Variants in BICD1 observed in about 807,000 individuals in gnomAD.
BICD1 encodes BICD cargo adaptor 1.
In BICD1, 35 loss-of-function variants were observed where a neutral mutation model predicts 92.5. The observed-to-expected ratio is 0.38, with a 90% confidence interval of 0.29 to 0.50. The LOEUF (loss-of-function observed/expected upper bound fraction) is 0.50. BICD1 is among the 20% of genes least tolerant of loss of function. BICD1 has a pLI of 0.93. For missense variants in BICD1, 950 were observed against 1,189.8 expected, an observed-to-expected ratio of 0.80 and a Z score of 2.97; for synonymous variants, 429 against 465.1, an observed-to-expected ratio of 0.92 and a Z score of 1.00.
At position 32,114,026 on chromosome 12, in the gene BICD1, C is replaced by A. The variant is rs139357423; in HGVS notation, c.213+6482C>A. 3.9e-5 allele frequency among the ~76,000 whole-genome samples: 6 copies of A among 152,030 alleles called. No individual in the cohort carries two copies. In the East Asian group the frequency reaches 1.2e-3, roughly 29 times the overall value. Reference sequence around the variant, plus strand: ...ATGGGATTATAGGCGCGCGCCACCACGCCTGGCTAGTTTTTGTATTTTTTT... The same window carrying A: ...ATGGGATTATAGGCGCGCGCCACCAAGCCTGGCTAGTTTTTGTATTTTTTT... On this transcript the variant is annotated intron_variant, in intron 1 of 9. Coordinates refer to ENST00000652176, the MANE Select transcript of BICD1 (RefSeq NM_001714.4).
chr12:32,213,557 G>A (rs1945276831), intron 1 of BICD1, among the ~76,000 whole-genome samples: 1 of 152,054 alleles, frequency 6.6e-6, no homozygotes, highest in African/African-American at 2.4e-5. Context: ...CACCACGCCT[G>A]GCTAATTTTT....
chr12:32,196,105 A>G (rs1179500417), intron 1 of BICD1, among the ~76,000 whole-genome samples: 2 of 152,216 alleles, frequency 1.3e-5, no homozygotes, highest in African/African-American at 4.8e-5. Flanking sequence ...ATCACCTTGC[A>G]CCTGTTATAA....
chr12:32,259,928 T>A (rs56769515), intron 2 of BICD1, among the ~76,000 whole-genome samples: 13 of 126,180 alleles, frequency 1.0e-4, no homozygotes, highest in East Asian at 7.9e-4. Context: ...TACACACTTT[T>A]TTTTTTTTTT....
At chr12:32,130,100 T>TG (rs1469032931) in intron 1 of BICD1, among the ~76,000 whole-genome samples, 2 of 152,082 alleles carry the variant, frequency 1.3e-5, no homozygotes, top group African/African-American at 2.4e-5. Flanking sequence ...AATCAGTAAA[T>TG]GGGAAGAGAT....
In BICD1 at chr12:32,225,314, T is replaced by C. The variant is rs554838087; in HGVS notation, c.426+8855T>C. On this transcript the variant is annotated intron_variant, in intron 2 of 9. Coordinates refer to ENST00000652176, the MANE Select transcript of BICD1 (RefSeq NM_001714.4). ...TTTGTTCCTTTTTATTGCTGAGTAT[T>C]ATTCCACTGTATAGATACATTGTGG... Among the ~76,000 whole-genome samples the C allele has an allele frequency of 5.8e-4, 89 of 152,342 alleles. 1 individual carries two copies. The highest frequency in any genetic ancestry group is 2.1e-3 in the African/African-American group (88 of 41,576).
chr12:32,115,358 G>C (rs1269404410), intron 1 of BICD1, among the ~76,000 whole-genome samples: 1 of 149,474 alleles, frequency 6.7e-6, no homozygotes, highest in East Asian at 1.9e-4. Flanking sequence ...AAACATATAG[G>C]CAGGGTTTTT....
At chr12:32,166,467 G>T (rs1378005505) in intron 1 of BICD1, among the ~76,000 whole-genome samples, 1 of 152,046 alleles carries the variant, frequency 6.6e-6, no homozygotes, top group Non-Finnish European at 1.5e-5. Context: ...TCACAACTGG[G>T]GGGATGCTTC....
intron 1 of BICD1, among the ~76,000 whole-genome samples, chr12:32,203,375 C>T (rs1316805105): frequency 1.3e-5 from 2 of 152,112 alleles, no homozygotes; most frequent in Non-Finnish European, 2.9e-5. Context: ...CAAAAGACAT[C>T]GCTAAAAGAG....
chr12:32,109,620 T>G (rs967124630), intron 1 of BICD1: 1 of 151,872 alleles, frequency 6.6e-6, no homozygotes, highest in South Asian at 2.1e-4. Context: ...TGTTCATATA[T>G]TTATTTTCAG....
At chr12:32,152,050 G>A (rs1457104801) in intron 1 of BICD1, among the ~76,000 whole-genome samples, 5 of 151,774 alleles carry the variant, frequency 3.3e-5, no homozygotes, top group Non-Finnish European at 7.4e-5. Flanking sequence ...TCTGCCTCCC[G>A]GGTTCACGTG....
intron 1 of BICD1, among the ~76,000 whole-genome samples, chr12:32,179,482 A>T (rs1427430110): frequency 6.6e-6 from 1 of 151,974 alleles, no homozygotes; most frequent in South Asian, 2.1e-4. Context: ...AAATACTTTG[A>T]GTTAAATTGT....
intron 2 of BICD1, among the ~76,000 whole-genome samples, chr12:32,237,362 T>G (rs1946104128): frequency 6.6e-6 from 1 of 152,206 alleles, no homozygotes; most frequent in Non-Finnish European, 1.5e-5. Flanking sequence ...GAAGCTGCAG[T>G]AAGTTATCCA....
chr12:32,294,034 A>T lies in BICD1; in HGVS notation c.467A>T (p.Asp156Val). ...GAGCTACAGAGAATACGGATGAAGG[A>T]TGAAATCCGAGAATATAAGTTCCGG... ...MVELQRIRMK[D>V]EIREYKFREA... The change falls in exon 3 of 10, where the codon GAT (aspartate) becomes GTT (valine). Residue 156 changes from aspartate (D) to valine (V), a missense_variant. Transcript: ENST00000652176. 6.2e-7 allele frequency: 1 copy of T among 1,613,332 alleles called. No homozygotes were observed. Among genetic ancestry groups the T allele is most frequent in the Non-Finnish European group, 8.5e-7 (1 of 1,179,824 alleles).
chr12:32,324,499 T>C (rs142175616), intron 4 of BICD1, among the ~76,000 whole-genome samples: 239 of 152,336 alleles, frequency 1.6e-3, no homozygotes, highest in African/African-American at 5.7e-3. Context: ...TCTTTGTGAG[T>C]ACCTTTAATG....
intron 1 of BICD1, among the ~76,000 whole-genome samples, chr12:32,127,862 C>CT (rs1338705582): frequency 6.6e-6 from 1 of 151,430 alleles, no homozygotes; most frequent in African/African-American, 2.4e-5. Flanking sequence ...ACTCAATTGT[C>CT]TAATTAGATG....
chr12:32,346,155 TAAATAA>T (rs911370163), intron 8 of BICD1, among the ~76,000 whole-genome samples: 3 of 148,728 alleles, frequency 2.0e-5, no homozygotes, highest in African/African-American at 7.8e-5. Flanking sequence ...TTTCAAAAAA[TAAATAA>T]AAAGAAACAA....
chr12:32,306,882 G>C (rs1948242993), intron 4 of BICD1, among the ~76,000 whole-genome samples: 2 of 93,898 alleles, frequency 2.1e-5, no homozygotes, highest in South Asian at 6.2e-4. Flanking sequence ...TGGACGTGGT[G>C]GTGGGTGCCT....
chr12:32,111,072 A>C (rs761881694), intron 1 of BICD1, among the ~76,000 whole-genome samples: 1 of 152,226 alleles, frequency 6.6e-6, no homozygotes, highest in Non-Finnish European at 1.5e-5. Context: ...CTTAGAAAGG[A>C]ATGATTCAGC....
At chr12:32,367,425 T>C (rs1939564648) in intron 8 of BICD1, 1 of 397,736 alleles carries the variant, frequency 2.5e-6, no homozygotes, top group African/African-American at 2.0e-5. Flanking sequence ...TATCCTAATG[T>C]ACTTGAGAAA....
Sources: gnomAD v4.1 joint callset for allele counts (sites outside exome capture counted in the v4.1 genomes callset) on GRCh38, gnomAD v4.1.1 for gene constraint, MANE v1.5 for transcripts, NCBI Gene and HGNC (gene_info 2026-07-23, HGNC 2026-07-21) for gene names.